Variants in LZTS1 observed in about 807,000 individuals in gnomAD.
LZTS1 encodes leucine zipper putative tumor suppressor 1.
Under a neutral mutation model 45.8 loss-of-function variants are expected in LZTS1, and 31 were observed. The observed-to-expected ratio is 0.68, with a 90% CI of 0.51 to 0.91. The LOEUF (loss-of-function observed/expected upper bound fraction) is 0.91. Ranked by LOEUF, LZTS1 falls within the 40% of genes least tolerant of loss-of-function variation. The pLI is 0.00. For synonymous variants in LZTS1, 359 were observed against 357.3 expected (o/e 1.00, Z -0.05); for missense variants, 821 against 788.9 (o/e 1.04, Z -0.49).
rs961655228 is a variant in LZTS1 at position 20,268,995 on chromosome 8, C to T, written c.-134-13680G>A. Among the ~76,000 whole-genome samples, 18 of 152,288 alleles carry T rather than the reference C, an allele frequency of 1.2e-4. No individual in the cohort carries two copies. The South Asian group carries it at 3.5e-3, about 30-fold the overall frequency. ...CAGCGTTCAGCTGCCGGGGAGTCTT[C>T]CTCCATCCCGGTGGGCAGCTTGTGT... On this transcript the variant is annotated intron_variant, in intron 1 of 3. Coordinates refer to ENST00000381569, the MANE Select transcript of LZTS1 (RefSeq NM_021020.5).
chr8:20,249,571 A>C lies in LZTS1; in HGVS notation c.*151T>G, dbSNP rs1000382728. ...ACTGGGACATCAGAGAGGGAAGGAA[A>C]GGCCATCCTGCCCTCCCCTCGGGGG... On this transcript the variant is annotated 3_prime_UTR_variant, in exon 4 of 4. Coordinates refer to ENST00000381569, the MANE Select transcript of LZTS1 (RefSeq NM_021020.5). The C allele has an allele frequency of 1.1e-6, 1 of 936,344 alleles. No individual in the cohort carries two copies. The highest frequency in any genetic ancestry group is 1.7e-5 in the South Asian group (1 of 57,612). 58.0% of individuals were successfully genotyped at this position (936,344 alleles called of 1,614,324 possible). A position where few individuals can be genotyped will look rare whatever the true frequency, so the allele number is the denominator to read the frequency against.
chr8:20,301,695 A>AG (rs1801081397), intron 1 of LZTS1, among the ~76,000 whole-genome samples: 1 of 152,148 alleles, frequency 6.6e-6, no homozygotes, highest in Non-Finnish European at 1.5e-5. Flanking sequence ...CAAAACTGAA[A>AG]GGCACATCTT....
chr8:20,271,344 AC>A lies in LZTS1; in HGVS notation c.-134-16030del, dbSNP rs1393952320. ...GTTTCCACTCTCCTGGAGTCTGTGG[AC>A]CCCACAGCCCCTGACAGTGAGATAA... On this transcript the variant is annotated intron_variant, in intron 1 of 3. Transcript: ENST00000381569. Among the ~76,000 whole-genome samples, 4 of 151,898 alleles carry A rather than the reference AC, an allele frequency of 2.6e-5. No individual in the cohort carries two copies. The East Asian group carries it at 7.8e-4, about 30-fold the overall frequency.
At chr8:20,266,219 G>A (rs1800351501) in intron 1 of LZTS1, among the ~76,000 whole-genome samples, 1 of 151,994 alleles carries the variant, frequency 6.6e-6, no homozygotes. Flanking sequence ...GACAGGGCAG[G>A]GCTTGCTATG....
At chr8:20,252,507 A>G (rs1218509964) in intron 3 of LZTS1, among the ~76,000 whole-genome samples, 1 of 152,194 alleles carries the variant, frequency 6.6e-6, no homozygotes, top group East Asian at 1.9e-4. Context: ...GGCCTTGGTC[A>G]TCTGGCTTCC....
Position 20,253,005 on chromosome 8 carries a change from G to A in LZTS1, c.926C>T (p.Pro309Leu), listed in dbSNP as rs199863998. The A allele has an allele frequency of 6.3e-6, 10 of 1,591,852 alleles. No homozygotes were observed. In the East Asian group the frequency reaches 6.7e-5, roughly 11 times the overall value. The change falls in exon 3 of 4, where the codon CCG becomes CTG. Residue 309 changes from proline (P) to leucine (L), a missense_variant. Coordinates refer to ENST00000381569, the MANE Select transcript of LZTS1 (RefSeq NM_021020.5). ...PRRCRDELEG[P>L]EPKGGNKLKQ... ...GAGCTTGTTGCCGCCTTTGGGCTCC[G>A]GGCCCTCCAGCTCGTCCCTGCAGCG... is the stretch of plus-strand genomic sequence containing the variant.
chr8:20,278,756 G>C (rs4922150), intron 1 of LZTS1, among the ~76,000 whole-genome samples: 39,774 of 152,138 alleles, frequency 0.26, 5,744 homozygotes, highest in East Asian at 0.49. Flanking sequence ...TTCTGCCTTA[G>C]TTCTCTCCTA....
rs1363343236 is a variant in LZTS1, at chr8:20,249,947, G to A, written c.1566C>T (p.Ser522=). 2.5e-6 allele frequency: 4 copies of A among 1,614,018 alleles called. No homozygotes were observed. The highest frequency in any genetic ancestry group is 2.2e-5 in the East Asian group (1 of 44,874). ...CGAGCCGCTCATGCTGGAAGCCCGA[G>A]GACATCTGGTCATGGCCTTGCCGCT... The part of the protein sequence containing the change: ...REERQGHDQM[S]SGFQHERLVW... Residue 522 remains serine (S), a synonymous_variant, in exon 4 of 4, where the codon TCC becomes TCT. Coordinates refer to ENST00000381569, the MANE Select transcript of LZTS1 (RefSeq NM_021020.5).
At chr8:20,252,340 G>T (rs185331420) in intron 3 of LZTS1, among the ~76,000 whole-genome samples, 3 of 152,318 alleles carry the variant, frequency 2.0e-5, no homozygotes, top group African/African-American at 7.2e-5. Flanking sequence ...CACCAATAGG[G>T]TCCCTCTTAC....
At chr8:20,268,133 A>T (rs1192523798) in intron 1 of LZTS1, among the ~76,000 whole-genome samples, 3 of 128,622 alleles carry the variant, frequency 2.3e-5, no homozygotes, top group Non-Finnish European at 3.2e-5. Flanking sequence ...AAGTCAAAAG[A>T]GCAGGTCCTT....
intron 1 of LZTS1, among the ~76,000 whole-genome samples, chr8:20,278,432 A>C (rs974334456): frequency 1.3e-5 from 2 of 152,180 alleles, no homozygotes; most frequent in Non-Finnish European, 2.9e-5. Context: ...GGAGGAAATA[A>C]CGCAACAGGA....
Position 20,252,962 on chromosome 8 carries a change from C to T in LZTS1, c.969G>A (p.Lys323=). ...GCAGGACCTGCTGCGCGCGCTGGCT[C>T]TTCTGCGAGGCCTGCTTGAGCTTGT... The part of the protein sequence containing the change: ...GGNKLKQASQ[K]SQRAQQVLHL... The change falls in exon 3 of 4, where the codon AAG becomes AAA. Residue 323 remains lysine (K), a synonymous_variant. Coordinates refer to ENST00000381569, the MANE Select transcript of LZTS1 (RefSeq NM_021020.5). 1 of 1,590,198 alleles carries T rather than the reference C, an allele frequency of 6.3e-7. No homozygotes were observed. The highest frequency in any genetic ancestry group is 1.1e-5 in the South Asian group (1 of 90,148).
intron 1 of LZTS1, among the ~76,000 whole-genome samples, chr8:20,303,324 C>A (rs1324324738): frequency 6.6e-6 from 1 of 152,158 alleles, no homozygotes; most frequent in Admixed American, 6.5e-5. Flanking sequence ...CGGCCCGGAC[C>A]GACCGCCGGA....
At chr8:20,270,684 G>A (rs1800453988) in intron 1 of LZTS1, among the ~76,000 whole-genome samples, 1 of 152,112 alleles carries the variant, frequency 6.6e-6, no homozygotes, top group Admixed American at 6.5e-5. Flanking sequence ...TGTGGGACAG[G>A]AGGAAGGGTG....
Position 20,255,048 on chromosome 8 carries a change from C to T in LZTS1, c.134G>A (p.Gly45Asp). Reference protein sequence around the residue: ...NRYSDGLLRFGFSQDSGHGKS... With the variant: ...NRYSDGLLRFDFSQDSGHGKS... ...GCCGTGACCGGAGTCCTGGGAGAAG[C>T]CAAACCTCAGCAGCCCGTCGGAATA... Residue 45 changes from glycine (G) to aspartate (D), a missense_variant, in exon 2 of 4, where the codon GGC becomes GAC. By Grantham distance (94) the Gly-to-Asp change is moderately conservative (BLOSUM62 -1). Coordinates refer to ENST00000381569, the MANE Select transcript of LZTS1 (RefSeq NM_021020.5). 13 of 1,614,204 alleles carry T rather than the reference C, an allele frequency of 8.1e-6. No homozygotes were observed. Among genetic ancestry groups the T allele is most frequent in the Non-Finnish European group, 1.1e-5 (13 of 1,180,046 alleles).
At chr8:20,297,949 C>A (rs979953042) in intron 1 of LZTS1, among the ~76,000 whole-genome samples, 1 of 152,210 alleles carries the variant, frequency 6.6e-6, no homozygotes, top group African/African-American at 2.4e-5. Flanking sequence ...AATTGGTGAA[C>A]CCCAATGACT....
At position 20,249,079 on chromosome 8, in the gene LZTS1, C is replaced by T. The variant is rs1448183028; in HGVS notation, c.*643G>A. The T allele has an allele frequency of 6.5e-6, 1 of 153,218 alleles. No individual in the cohort carries two copies. Among genetic ancestry groups the T allele is most frequent in the East Asian group, 1.9e-4 (1 of 5,184 alleles). The allele number at this position is 153,218 out of a possible 1,614,324, so 9.5% of individuals were successfully genotyped here. On this transcript the variant is annotated 3_prime_UTR_variant, in exon 4 of 4. Transcript: ENST00000381569. ...GCCATCACCCGCCACTGGCTCTCAA[C>T]CCTTGGATTCTCCCTCTGCCCTCCT...
At chr8:20,259,378 G>A (rs1168547220) in intron 1 of LZTS1, among the ~76,000 whole-genome samples, 2 of 152,210 alleles carry the variant, frequency 1.3e-5, no homozygotes, top group Non-Finnish European at 2.9e-5. Context: ...GCTATTGACA[G>A]TATCAGTGCA....
intron 1 of LZTS1, among the ~76,000 whole-genome samples, chr8:20,260,413 A>C (rs918398415): frequency 6.6e-6 from 1 of 152,200 alleles, no homozygotes; most frequent in Non-Finnish European, 1.5e-5. Flanking sequence ...CAGACTCACA[A>C]GGTGGGATGC....
Sources: allele counts gnomAD v4.1 joint callset (sites outside exome capture counted in the v4.1 genomes callset), GRCh38; gene constraint gnomAD v4.1.1; transcripts MANE v1.5; gene names NCBI Gene and HGNC (gene_info 2026-07-23, HGNC 2026-07-21).